The following UGT3A1 variants were observed in gnomAD, a reference collection of about 807,000 sequenced individuals.
UGT3A1 encodes the protein UDP glycosyltransferase family 3 member A1.
Under a neutral mutation model 37.6 loss-of-function variants are expected in UGT3A1, and 40 were observed. The observed-to-expected ratio is 1.06, with a 90% CI of 0.83 to 1.38. The LOEUF (loss-of-function observed/expected upper bound fraction) is 1.38, where lower values mean the gene tolerates loss of function less well. Among genes scored for constraint, UGT3A1 ranks in the 40% most tolerant of loss-of-function variants. UGT3A1 has a pLI of 0.00. For synonymous variants in UGT3A1, 256 were observed against 232.3 expected (o/e 1.10, Z -0.93); for missense variants, 642 against 634.2 (o/e 1.01, Z -0.13).
chr5:35,967,074 A>T (rs1452393582), intron 3 of UGT3A1, among the ~76,000 whole-genome samples: 1 of 152,204 alleles, frequency 6.6e-6, no homozygotes, highest in African/African-American at 2.4e-5. Flanking sequence ...ACAGGAAGGC[A>T]CTGATCCCAG....
chr5:35,994,686 G>A (rs560713665), upstream of UGT3A1, among the ~76,000 whole-genome samples: 1 of 152,188 alleles, frequency 6.6e-6, no homozygotes, highest in South Asian at 2.1e-4. Flanking sequence ...AACATGTGTG[G>A]ACTGAACCAG....
rs757198568 is a variant in UGT3A1, at chr5:35,954,276, T to C, written c.1498A>G (p.Met500Val). 2 of 1,614,174 alleles carry C rather than the reference T, an allele frequency of 1.2e-6. No individual in the cohort carries two copies. The highest frequency in any genetic ancestry group is 1.7e-6 in the Non-Finnish European group (2 of 1,180,032). ...CCCAGCAGCTTCCCACAAAGCCACATAGTGCCCAGAGTGAGCCCCAGCAGA... is the reference window on the plus strand; with the variant it reads ...CCCAGCAGCTTCCCACAAAGCCACACAGTGCCCAGAGTGAGCCCCAGCAGA... ...VFLLGLTLGT[M>V]WLCGKLLGVV... Residue 500 changes from methionine to valine, a missense_variant, in exon 7 of 7, where the codon ATG becomes GTG. By Grantham distance (21) the Met-to-Val change is conservative. Transcript: ENST00000274278.
At chr5:35,990,714 T>G (rs1464799186) in intron 1 of UGT3A1, among the ~76,000 whole-genome samples, 1 of 152,042 alleles carries the variant, frequency 6.6e-6, no homozygotes, top group Non-Finnish European at 1.5e-5. Flanking sequence ...AGGAGTGCCT[T>G]TCCCTGGTCT....
chr5:35,989,026 A>G (rs1221184665), intron 1 of UGT3A1, among the ~76,000 whole-genome samples: 1 of 152,228 alleles, frequency 6.6e-6, no homozygotes, highest in Admixed American at 6.5e-5. Context: ...ATTTTGGAAA[A>G]GTATGCTACT....
At chr5:35,985,079 T>TAA (rs59401195) in intron 2 of UGT3A1, among the ~76,000 whole-genome samples, 6,303 of 115,996 alleles carry the variant, frequency 0.054, 257 homozygotes, top group African/African-American at 0.087. Flanking sequence ...ACATAAAATA[T>TAA]AAAAAAAAAA....
Position 35,960,034 on chromosome 5 carries a change from G to A in UGT3A1, c.844-2615C>T, listed in dbSNP as rs2149953253. The stretch of plus-strand genomic sequence containing the variant: ...AACATGAACATTTTGCTGAAAGAAA[G>A]TAGACACACACACAAAAATGGAAAG... On this transcript the variant is annotated intron_variant, in intron 4 of 6. Transcript: ENST00000274278. 2.6e-5 allele frequency among the ~76,000 whole-genome samples: 4 copies of A among 152,248 alleles called. No individual in the cohort carries two copies. In the South Asian group the frequency reaches 8.3e-4, roughly 32 times the overall value.
In UGT3A1 at chr5:35,988,550, A is replaced by G; in HGVS notation, c.96T>C (p.Gly32=). 2 of 1,608,258 alleles carry G rather than the reference A, an allele frequency of 1.2e-6. No individual in the cohort carries two copies. Among genetic ancestry groups the G allele is most frequent in the Non-Finnish European group, 1.7e-6 (2 of 1,176,380 alleles). ...AAKILTISTL[G]GSHYLLLDRV... ...GGTCCAACAGTAGGTAATGGCTTCC[A>G]CCTAGAAACAATGCACAATGTCTTT... is the stretch of plus-strand genomic sequence containing the variant. The change falls in exon 2 of 7, where the codon GGT becomes GGC. Residue 32 remains glycine (G), a splice_region_variant and synonymous_variant. Transcript: ENST00000274278.
intron 2 of UGT3A1, among the ~76,000 whole-genome samples, chr5:35,974,913 A>T (rs1249919266): frequency 6.6e-6 from 1 of 152,202 alleles, no homozygotes; most frequent in African/African-American, 2.4e-5. Context: ...TGCGTTGCCT[A>T]TGGCCAATGG....
chr5:35,967,953 C>T, intron 3 of UGT3A1, 66 bp downstream of exon 3: 2 of 1,217,520 alleles, frequency 1.6e-6, no homozygotes, highest in Admixed American at 2.0e-5. Context: ...AAATATCATG[C>T]ATCTCTCTAT....
In UGT3A1 at chr5:35,953,476, A is replaced by G. The variant is rs1561451659; in HGVS notation, c.*726T>C. ...AAGATGGACTTTTTCTAAAATCAAC[A>G]AAGTCTTTAAAACTACCTTAGCCAC... On this transcript the variant is annotated 3_prime_UTR_variant, in exon 7 of 7. Transcript: ENST00000274278. 1 of 152,404 alleles carries G rather than the reference A, an allele frequency of 6.6e-6. No homozygotes were observed. The highest frequency in any genetic ancestry group is 2.4e-5 in the African/African-American group (1 of 41,466). The allele number at this position is 152,404 out of a possible 1,614,324, so 9.4% of individuals were successfully genotyped here. A position where few individuals can be genotyped will look rare whatever the true frequency, so the allele number is the denominator to read the frequency against.
intron 2 of UGT3A1, among the ~76,000 whole-genome samples, chr5:35,979,809 T>C (rs1740445068): frequency 1.3e-5 from 2 of 152,336 alleles, no homozygotes; most frequent in South Asian, 4.1e-4. Context: ...GAAAAAGATA[T>C]TTAATGGACT....
chr5:35,979,295 C>T (rs1398594861), intron 2 of UGT3A1, among the ~76,000 whole-genome samples: 3 of 152,100 alleles, frequency 2.0e-5, no homozygotes, highest in East Asian at 1.9e-4. Flanking sequence ...ATTGTCAGTC[C>T]GCAAACTTTT....
rs765564160 is a variant in UGT3A1, at chr5:35,991,200, A to G, written c.41T>C (p.Leu14Pro). The change falls in exon 1 of 7, where the codon CTT (leucine) becomes CCT (proline). Residue 14 changes from leucine (L) to proline (P), a missense_variant. Transcript: ENST00000274278. ...QRVLLLVAFLLSGVLLSEAAK... is the reference protein window; with the variant it reads ...QRVLLLVAFLPSGVLLSEAAK... The stretch of plus-strand genomic sequence containing the variant: ...AGCCTCTGAGAGCAGGACCCCAGAA[A>G]GAAGGAAGGCCACTAGAAGCAGCAC... 3.1e-6 allele frequency: 5 copies of G among 1,614,132 alleles called. No individual in the cohort carries two copies.
Position 36,000,389 on chromosome 5 carries a change from A to C in UGT3A1, c.-160+579T>G, listed in dbSNP as rs374204048. The stretch of plus-strand genomic sequence containing the variant: ...CCAGAAGATGAGATGCCTCATCATG[A>C]TCTGCAACCCAGAGATTTTGTCTAT... On this transcript the variant is annotated intron_variant, in intron 1 of 5. Transcript: ENST00000625798. 2.8e-3 allele frequency among the ~76,000 whole-genome samples: 424 copies of C among 152,358 alleles called. 2 individuals carry two copies. The highest frequency in any genetic ancestry group is 9.9e-3 in the African/African-American group (413 of 41,574).
intron 2 of UGT3A1, among the ~76,000 whole-genome samples, chr5:35,973,190 T>A (rs1184065666): frequency 1.3e-5 from 2 of 152,232 alleles, no homozygotes; most frequent in Non-Finnish European, 2.9e-5. Context: ...CTGTACAGTC[T>A]CTTTCTGAGT....
At chr5:35,955,983 C>T (rs990177027) in intron 5 of UGT3A1, 119 bp from the exon 6 acceptor site, 1 of 1,047,460 alleles carries the variant, frequency 9.5e-7, no homozygotes, top group African/African-American at 1.6e-5. Flanking sequence ...AAAATGAATT[C>T]ACTGATTTTG....
upstream of UGT3A1, chr5:35,991,538 C>A: frequency 8.7e-7 from 1 of 1,153,470 alleles, no homozygotes; most frequent in Non-Finnish European, 1.1e-6. Context: ...CACAGCTGTC[C>A]TATCTGGAAA....
At chr5:35,963,090 C>T (rs1313750536) in intron 4 of UGT3A1, 1 of 622,232 alleles carries the variant, frequency 1.6e-6, no homozygotes. Context: ...ATGGATGCCA[C>T]CCACAGGTGC....
chr5:35,995,157 C>A (rs142598248), upstream of UGT3A1, among the ~76,000 whole-genome samples: 1 of 152,256 alleles, frequency 6.6e-6, no homozygotes, highest in African/African-American at 2.4e-5. Context: ...TGGCATCTCC[C>A]CTACCTCCAC....
Sources: allele counts gnomAD v4.1 joint callset (sites outside exome capture counted in the v4.1 genomes callset), GRCh38; gene constraint gnomAD v4.1.1; transcripts MANE v1.5; gene names NCBI Gene and HGNC (gene_info 2026-07-23, HGNC 2026-07-21).